Variants in NUP188 observed in about 807,000 individuals in gnomAD.
NUP188 encodes nucleoporin NUP188.
A neutral mutation model predicts 223.0 loss-of-function variants in NUP188; 97 were observed. The ratio of observed to expected loss-of-function variants is 0.43; its 90% CI spans 0.37 to 0.51. NUP188 has a LOEUF of 0.51. Among genes scored for constraint, NUP188 ranks in the 20% least tolerant of loss-of-function variants. The pLI is 0.00. For synonymous variants in NUP188, 869 were observed against 828.0 expected (o/e 1.05, Z -0.85); for missense variants, 1,947 against 2,175.6 (o/e 0.89, Z 2.09).
Position 129,006,706 on chromosome 9 carries a change from T to C in NUP188, c.*28T>C, listed in dbSNP as rs747598170. 2 of 1,596,330 alleles carry C rather than the reference T, an allele frequency of 1.3e-6. No individual in the cohort carries two copies. Among genetic ancestry groups the C allele is most frequent in the Admixed American group, 3.4e-5 (2 of 58,638 alleles). ...CAGTGCTGTTCTGCCCACCTACCCC[T>C]CTCCACCAGCCTACACTGCACCCTG... On this transcript the variant is annotated 3_prime_UTR_variant, in exon 44 of 44. Coordinates refer to ENST00000372577, the MANE Select transcript of NUP188 (RefSeq NM_015354.3).
At chr9:128,993,438 G>T (rs766858390) in intron 26 of NUP188, 35 bp downstream of exon 26, 2 of 1,612,710 alleles carry the variant, frequency 1.2e-6, no homozygotes, top group South Asian at 2.2e-5. Flanking sequence ...CTGGGAGTTG[G>T]CTCACTGGGA....
intron 4 of NUP188, 148 bp from the exon 5 acceptor site, chr9:128,956,804 G>A (rs1272213348): frequency 5.3e-6 from 3 of 564,766 alleles, no homozygotes; most frequent in Non-Finnish European, 9.3e-6. Flanking sequence ...TCTTCTATTA[G>A]AGTCAGAATT....
Position 128,970,895 on chromosome 9 carries a change from C to T in NUP188, c.1050C>T (p.Ile350=). 1.2e-6 allele frequency: 2 copies of T among 1,614,110 alleles called. No individual in the cohort carries two copies. The highest frequency in any genetic ancestry group is 1.7e-6 in the Non-Finnish European group (2 of 1,180,004). ...SVVRKIGGTA[I]QLNVFQYLTR... ...TCCGGAAGATAGGTGGCACAGCCAT[C>T]CAGCTGAATGTGTTTCAGTACTTGA... Residue 350 remains isoleucine (I), a synonymous_variant, in exon 11 of 44, where the codon ATC becomes ATT. Transcript: ENST00000372577.
At chr9:129,002,607 T>C in intron 36 of NUP188, among the ~76,000 whole-genome samples, 1 of 152,262 alleles carries the variant, frequency 6.6e-6, no homozygotes, top group East Asian at 1.9e-4. Context: ...GACCTGAGTC[T>C]GGAACCCTGG....
intron 2 of NUP188, among the ~76,000 whole-genome samples, chr9:128,952,181 G>A (rs776117121): frequency 7.9e-5 from 12 of 152,024 alleles, no homozygotes; most frequent in Non-Finnish European, 1.8e-4. Context: ...GGCAGATCAC[G>A]AGTTCAGGAG....
In NUP188 at chr9:128,990,239, T is replaced by C. The variant is rs765561916; in HGVS notation, c.2640+13T>C. On this transcript the variant is annotated intron_variant, in intron 25 of 43. Coordinates refer to ENST00000372577, the MANE Select transcript of NUP188 (RefSeq NM_015354.3). ...ACGTCTGGCCACGGTAGGATCGTAC[T>C]TCATGCACACACACTGTTTATATGA... 1 of 1,588,084 alleles carries C rather than the reference T, an allele frequency of 6.3e-7. No homozygotes were observed. Among genetic ancestry groups the C allele is most frequent in the South Asian group, 1.1e-5 (1 of 90,502 alleles).
intron 2 of NUP188, among the ~76,000 whole-genome samples, chr9:128,952,477 C>A (rs1422871331): frequency 6.6e-6 from 1 of 151,746 alleles, no homozygotes; most frequent in Non-Finnish European, 1.5e-5. Context: ...AATCCCAGCA[C>A]TTTGGGAGGC....
rs187648305 is a variant in NUP188 at position 128,984,772 on chromosome 9, A to G, written c.1962-128A>G. The stretch of plus-strand genomic sequence containing the variant: ...GGTACAGAACTGTCTTGATTGGATT[A>G]TTTCCACTGGAGAGCTTTTCTATTT... On this transcript the variant is annotated intron_variant, in intron 19 of 43. Transcript: ENST00000372577. 5 of 581,852 alleles carry G rather than the reference A, an allele frequency of 8.6e-6. No homozygotes were observed. The Admixed American group carries it at 1.4e-4, about 16-fold the overall frequency. The allele number at this position is 581,852 out of a possible 1,614,324, so 36.0% of individuals were successfully genotyped here.
intron 16 of NUP188, 51 bp from the exon 17 acceptor site, chr9:128,982,851 G>A (rs955197442): frequency 1.7e-5 from 28 of 1,609,950 alleles, no homozygotes; most frequent in Non-Finnish European, 3.4e-6. Flanking sequence ...ACTGTTCAGT[G>A]ATCTTAAAGG....
chr9:128,957,883 G>A (rs1251502063), intron 5 of NUP188, 127 bp from the exon 6 acceptor site: 1 of 708,264 alleles, frequency 1.4e-6, no homozygotes, highest in Non-Finnish European at 2.4e-6. Flanking sequence ...AAAGTAAGGT[G>A]GAAAGTATAT....
In NUP188 at chr9:129,006,831, ACG is replaced by A. The variant is rs1460296330; in HGVS notation, c.*154_*155del. On this transcript the variant is annotated 3_prime_UTR_variant, in exon 44 of 44. Transcript: ENST00000372577. ...CCACGACTCCAGCCACCACCCACTG[ACG>A]TTATTTTTATACTAGATGAAGAGGT... is the stretch of plus-strand genomic sequence containing the variant. 1 of 714,376 alleles carries A rather than the reference ACG, an allele frequency of 1.4e-6. No individual in the cohort carries two copies. Among genetic ancestry groups the A allele is most frequent in the African/African-American group, 1.8e-5 (1 of 54,978 alleles). The allele number at this position is 714,376 out of a possible 1,614,324, so 44.3% of individuals were successfully genotyped here.
Position 128,970,971 on chromosome 9 carries a change from C to A in NUP188, c.1113+13C>A, listed in dbSNP as rs1407121680. Reference sequence around the variant, plus strand: ...TGGGGGAAATGATGTGAGTTTAAGGCTCTGGGTGGTGAGCATGGGAGTGAG... The same window carrying A: ...TGGGGGAAATGATGTGAGTTTAAGGATCTGGGTGGTGAGCATGGGAGTGAG... On this transcript the variant is annotated intron_variant, in intron 11 of 43. Transcript: ENST00000372577. The A allele has an allele frequency of 6.2e-7, 1 of 1,607,872 alleles. No individual in the cohort carries two copies. Among genetic ancestry groups the A allele is most frequent in the Admixed American group, 1.7e-5 (1 of 59,984 alleles).
chr9:128,962,394 G>A (rs572516530), intron 8 of NUP188, among the ~76,000 whole-genome samples: 9 of 151,976 alleles, frequency 5.9e-5, no homozygotes, highest in South Asian at 2.1e-4. Flanking sequence ...GACTGCAGGC[G>A]CCCACCACCA....
chr9:129,005,716 G>A lies in NUP188; in HGVS notation c.4809G>A (p.Val1603=), dbSNP rs11558527. ...SFTTPTFDSE[V]APSFGTLLAT... ...CCACTCCCACCTTTGACTCCGAAGT[G>A]GCCCCCTCCTTCGGGACCCTTCTGG... Residue 1603 remains valine (V), a synonymous_variant, in exon 41 of 44, where the codon GTG becomes GTA. Transcript: ENST00000372577. 1 of 1,613,970 alleles carries A rather than the reference G, an allele frequency of 6.2e-7. No individual in the cohort carries two copies. Among genetic ancestry groups the A allele is most frequent in the African/African-American group, 1.3e-5 (1 of 74,884 alleles).
rs1842278333 is a variant in NUP188, at chr9:128,982,991, C to T, written c.1759C>T (p.Leu587=). ...AGACCTGTCGATAGCAGACTGTCTC[C>T]TGCCCATCACATCTCGCATCTACAT... is the stretch of plus-strand genomic sequence containing the variant. ...STDLSIADCL[L]PITSRIYMLL... The change falls in exon 17 of 44, where the codon CTG becomes TTG. Residue 587 remains leucine (L), a synonymous_variant. Transcript: ENST00000372577. 8 of 1,614,184 alleles carry T rather than the reference C, an allele frequency of 5.0e-6. No individual in the cohort carries two copies. Among genetic ancestry groups the T allele is most frequent in the Middle Eastern group, 1.6e-4 (1 of 6,062 alleles).
In NUP188 at chr9:128,993,505, T is replaced by C; in HGVS notation, c.2848-20T>C. 2 of 1,613,752 alleles carry C rather than the reference T, an allele frequency of 1.2e-6. No individual in the cohort carries two copies. Among genetic ancestry groups the C allele is most frequent in the Non-Finnish European group, 1.7e-6 (2 of 1,179,640 alleles). ...TGGCAGTGGCTGTGGAACTGAACTCTTACCTGTCCCTTCTTGCAGGAATTC... is the reference window on the plus strand; with the variant it reads ...TGGCAGTGGCTGTGGAACTGAACTCCTACCTGTCCCTTCTTGCAGGAATTC... On this transcript the variant is annotated intron_variant, in intron 26 of 43. Coordinates refer to ENST00000372577, the MANE Select transcript of NUP188 (RefSeq NM_015354.3).
Position 128,982,732 on chromosome 9 carries a change from G to A in NUP188, c.1669+31G>A, listed in dbSNP as rs190209334. Reference sequence around the variant, plus strand: ...GTCAGCTTTCGGAAACATCACCTACGAGGAGGAAAAGTGGATATGCTTGGA... The same window carrying A: ...GTCAGCTTTCGGAAACATCACCTACAAGGAGGAAAAGTGGATATGCTTGGA... On this transcript the variant is annotated intron_variant, in intron 16 of 43. Transcript: ENST00000372577. The A allele has an allele frequency of 3.1e-4, 492 of 1,610,812 alleles. 1 individual carries two copies. Among genetic ancestry groups the A allele is most frequent in the Middle Eastern group, 2.2e-3 (13 of 5,892 alleles).
chr9:128,959,943 T>G (rs1414337424), intron 8 of NUP188, among the ~76,000 whole-genome samples: 1 of 152,142 alleles, frequency 6.6e-6, no homozygotes, highest in Non-Finnish European at 1.5e-5. Context: ...TTCAATCCCA[T>G]TAGTTTACTT....
Position 128,987,779 on chromosome 9 carries a change from C to T in NUP188, c.2393+62C>T, listed in dbSNP as rs547208198. ...TATTGTGCCTGCATGTTACTAATAA[C>T]TCCAGTTTAAGTTAACTTGCAGTAG... is the stretch of plus-strand genomic sequence containing the variant. On this transcript the variant is annotated intron_variant, in intron 23 of 43. Transcript: ENST00000372577. 21 of 1,576,898 alleles carry T rather than the reference C, an allele frequency of 1.3e-5. No homozygotes were observed. In the African/African-American group the frequency reaches 1.6e-4, roughly 12 times the overall value.
Sources: allele counts gnomAD v4.1 joint callset (sites outside exome capture counted in the v4.1 genomes callset), GRCh38; gene constraint gnomAD v4.1.1; transcripts MANE v1.5; gene names NCBI Gene and HGNC (gene_info 2026-07-23, HGNC 2026-07-21).